Variants in KCNB2 observed in about 807,000 individuals in gnomAD.
The protein encoded by KCNB2 is potassium voltage-gated channel subfamily B member 2, also known as delayed rectifier potassium channel protein.
In KCNB2, 15 loss-of-function variants were observed where a neutral mutation model predicts 61.5. The observed-to-expected ratio is 0.24, with a 90% confidence interval of 0.16 to 0.38. The LOEUF (loss-of-function observed/expected upper bound fraction) is 0.38, where lower values mean the gene tolerates loss of function less well. Among genes scored for constraint, KCNB2 ranks in the 10% least tolerant of loss-of-function variants. The pLI is 1.00. For synonymous variants in KCNB2, 457 were observed against 446.0 expected, an observed-to-expected ratio of 1.02 and a Z score of -0.31; for missense variants, 828 against 1,125.2, an observed-to-expected ratio of 0.74 and a Z score of 3.78.
chr8:72,756,222 A>T (rs1342231462), intron 2 of KCNB2, among the ~76,000 whole-genome samples: 1 of 152,166 alleles, frequency 6.6e-6, no homozygotes, highest in Non-Finnish European at 1.5e-5. Flanking sequence ...CAGGCTAGTG[A>T]GTTGCTAGGA....
chr8:72,740,442 C>G (rs777310789), intron 2 of KCNB2, among the ~76,000 whole-genome samples: 1 of 152,098 alleles, frequency 6.6e-6, no homozygotes, highest in Non-Finnish European at 1.5e-5. Context: ...AGGCCACTGT[C>G]CCCTACTAAA....
chr8:72,589,380 GTAT>G (rs766942377), intron 2 of KCNB2, among the ~76,000 whole-genome samples: 8 of 152,182 alleles, frequency 5.3e-5, no homozygotes, highest in Non-Finnish European at 1.2e-4. Flanking sequence ...AGAGAAAAGT[GTAT>G]ATTTATCTTT....
intron 1 of KCNB2, among the ~76,000 whole-genome samples, chr8:72,539,799 A>G (rs1201255630): frequency 6.6e-6 from 1 of 152,184 alleles, no homozygotes; most frequent in Non-Finnish European, 1.5e-5. Flanking sequence ...CCAAGCATAC[A>G]TATTTACTGA....
intron 2 of KCNB2, among the ~76,000 whole-genome samples, chr8:72,588,659 G>A (rs192227450): frequency 4.1e-4 from 62 of 152,044 alleles, no homozygotes; most frequent in African/African-American, 1.2e-3. Context: ...TTTGAGAGGC[G>A]AAGGCAGGAA....
chr8:72,661,416 A>G (rs921324583), intron 2 of KCNB2: 1 of 152,206 alleles, frequency 6.6e-6, no homozygotes, highest in East Asian at 1.9e-4. Context: ...TGTTATATCC[A>G]ATTCCACATG....
At chr8:72,639,978 C>T (rs546242343) in intron 2 of KCNB2, among the ~76,000 whole-genome samples, 2 of 151,066 alleles carry the variant, frequency 1.3e-5, no homozygotes, top group South Asian at 2.1e-4. Flanking sequence ...GGACTGGGTG[C>T]GTGTCAGTAT....
chr8:72,786,786 G>A lies in KCNB2; in HGVS notation c.580-149149G>A, dbSNP rs187007003. ...TCTCAAAGTAAAAACAGTCTTTAAA[G>A]GCACTGTAATAAAAATGGGTGAGAA... On this transcript the variant is annotated intron_variant, in intron 2 of 2. Transcript: ENST00000523207. 8.7e-4 allele frequency among the ~76,000 whole-genome samples: 133 copies of A among 152,170 alleles called. 2 individuals carry two copies. Among genetic ancestry groups the A allele is most frequent in the African/African-American group, 3.0e-3 (124 of 41,518 alleles).
chr8:72,738,108 C>T (rs1476215930), intron 2 of KCNB2, among the ~76,000 whole-genome samples: 1 of 152,128 alleles, frequency 6.6e-6, no homozygotes, highest in Non-Finnish European at 1.5e-5. Context: ...ACTTGAGGGC[C>T]TCTCTGAGAG....
chr8:72,706,679 A>G (rs981480022), intron 2 of KCNB2, among the ~76,000 whole-genome samples: 28 of 152,188 alleles, frequency 1.8e-4, no homozygotes, highest in Admixed American at 8.5e-4. Context: ...TGGTCTTTTC[A>G]TTGTCTCACA....
chr8:72,583,176 G>C (rs1806934341), intron 2 of KCNB2, among the ~76,000 whole-genome samples: 1 of 152,104 alleles, frequency 6.6e-6, no homozygotes, highest in African/African-American at 2.4e-5. Context: ...TATTATTCTG[G>C]TATTTCAGAC....
At chr8:72,759,547 G>C (rs910573947) in intron 2 of KCNB2, among the ~76,000 whole-genome samples, 1 of 152,120 alleles carries the variant, frequency 6.6e-6, no homozygotes, top group African/African-American at 2.4e-5. Context: ...GCTTGGAAAA[G>C]AACTTATATT....
At chr8:72,726,964 G>A (rs556997137) in intron 2 of KCNB2, among the ~76,000 whole-genome samples, 1 of 152,220 alleles carries the variant, frequency 6.6e-6, no homozygotes, top group Admixed American at 6.5e-5. Flanking sequence ...TGATAGCAAC[G>A]TGAACCTCAC....
At position 72,728,272 on chromosome 8, in the gene KCNB2, T is replaced by C. The variant is rs375665478; in HGVS notation, c.579+159959T>C. Among the ~76,000 whole-genome samples the C allele has an allele frequency of 9.8e-5, 15 of 152,340 alleles. No individual in the cohort carries two copies. The South Asian group carries it at 2.7e-3, about 27-fold the overall frequency. On this transcript the variant is annotated intron_variant, in intron 2 of 2. Coordinates refer to ENST00000523207, the MANE Select transcript of KCNB2 (RefSeq NM_004770.3). ...TGACTAAATATTCGGGTCAAATATC[T>C]GTATTATTTATAATGCTTTCATTTA...
intron 2 of KCNB2, among the ~76,000 whole-genome samples, chr8:72,851,598 G>A (rs1810109076): frequency 1.3e-5 from 2 of 151,848 alleles, no homozygotes; most frequent in Admixed American, 1.3e-4. Context: ...TCGAGAACAG[G>A]CAAGTTGACT....
At chr8:72,624,921 C>G (rs1034784241) in intron 2 of KCNB2, among the ~76,000 whole-genome samples, 2 of 152,166 alleles carry the variant, frequency 1.3e-5, no homozygotes, top group Admixed American at 1.3e-4. Context: ...TGAGGGTGGC[C>G]TCTTAGAGCT....
At chr8:72,882,548 A>AGAGAGAGAGAGAGAGAGAGAGAGG (rs1805732818) in intron 2 of KCNB2, among the ~76,000 whole-genome samples, 1 of 151,206 alleles carries the variant, frequency 6.6e-6, no homozygotes, top group Non-Finnish European at 1.5e-5. Flanking sequence ...AGAGAGAGAG[A>AGAGAGAGAGAGAGAGAGAGAGAGG]GAGAGAGAAT....
At chr8:72,679,963 C>A (rs1335508235) in intron 2 of KCNB2, among the ~76,000 whole-genome samples, 1 of 152,164 alleles carries the variant, frequency 6.6e-6, no homozygotes, top group Non-Finnish European at 1.5e-5. Flanking sequence ...TGTAATGGGT[C>A]CTGTTTTATT....
At chr8:72,634,929 G>A (rs1042466668) in intron 2 of KCNB2, among the ~76,000 whole-genome samples, 1 of 152,100 alleles carries the variant, frequency 6.6e-6, no homozygotes, top group African/African-American at 2.4e-5. Flanking sequence ...TCTCATTTAA[G>A]CCCCCTAGAA....
At chr8:72,844,606 A>G (rs1585926817) in intron 2 of KCNB2, among the ~76,000 whole-genome samples, 1 of 152,084 alleles carries the variant, frequency 6.6e-6, no homozygotes, top group East Asian at 1.9e-4. Flanking sequence ...TTTTCACATA[A>G]TCCCATATTT....
Sources: gnomAD v4.1 joint callset for allele counts (sites outside exome capture counted in the v4.1 genomes callset) on GRCh38, gnomAD v4.1.1 for gene constraint, MANE v1.5 for transcripts, NCBI Gene and HGNC (gene_info 2026-07-23, HGNC 2026-07-21) for gene names.